The following ASTN2 variants were observed in gnomAD, a reference collection of about 807,000 sequenced individuals.
The protein encoded by ASTN2 is astrotactin-2.
A neutral mutation model predicts 139.8 loss-of-function variants in ASTN2; 54 were observed. The ratio of observed to expected loss-of-function variants is 0.39; its 90% CI spans 0.31 to 0.48. The LOEUF (loss-of-function observed/expected upper bound fraction) is 0.48, where lower values mean the gene tolerates loss of function less well. ASTN2 is among the 20% of genes least tolerant of loss of function. The pLI is 0.95. For missense variants in ASTN2, 1,565 were observed against 1,725.1 expected (o/e 0.91, Z 1.64); for synonymous variants, 756 against 719.5 (o/e 1.05, Z -0.81).
In ASTN2 at chr9:116,424,122, C is replaced by G. The variant is rs1039915070; in HGVS notation, c.*1729G>C. Reference sequence around the variant, plus strand: ...AGGGTGTTAAGAATTTATAACATCTCTTCATACTCATTACCCTCCCAGGGA... The same window carrying G: ...AGGGTGTTAAGAATTTATAACATCTGTTCATACTCATTACCCTCCCAGGGA... On this transcript the variant is annotated 3_prime_UTR_variant, in exon 23 of 23. Transcript: ENST00000313400. 6.6e-6 allele frequency among the ~76,000 whole-genome samples: 1 copy of G among 152,130 alleles called. No homozygotes were observed. The highest frequency in any genetic ancestry group is 1.5e-5 in the Non-Finnish European group (1 of 68,024).
At chr9:116,524,409 C>T (rs1564341698) in intron 19 of ASTN2, among the ~76,000 whole-genome samples, 1 of 151,994 alleles carries the variant, frequency 6.6e-6, no homozygotes, top group Non-Finnish European at 1.5e-5. Context: ...AAAATGTGGT[C>T]AGAGTTCCCT....
chr9:117,120,016 GTGTATA>G (rs1448001099), intron 4 of ASTN2, among the ~76,000 whole-genome samples: 1 of 33,822 alleles, frequency 3.0e-5, no homozygotes, highest in African/African-American at 7.7e-5. Context: ...GTGTGTGTGT[GTGTATA>G]TATATATATA....
chr9:117,151,384 C>G (rs1379057067), intron 3 of ASTN2, among the ~76,000 whole-genome samples: 1 of 152,092 alleles, frequency 6.6e-6, no homozygotes, highest in Non-Finnish European at 1.5e-5. Context: ...GCCACCTATA[C>G]CTTACAATGG....
intron 2 of ASTN2, among the ~76,000 whole-genome samples, chr9:117,254,077 G>A (rs1477883483): frequency 1.3e-5 from 2 of 152,092 alleles, no homozygotes; most frequent in Non-Finnish European, 2.9e-5. Context: ...CGCCAGCTTT[G>A]CTTTTACTGA....
chr9:116,904,667 T>C (rs1834107767), intron 10 of ASTN2, among the ~76,000 whole-genome samples: 1 of 152,124 alleles, frequency 6.6e-6, no homozygotes, highest in Non-Finnish European at 1.5e-5. Context: ...ATAGTTGGAG[T>C]GCTATAGAAG....
At chr9:117,095,042 C>G (rs1828805265) in intron 5 of ASTN2, among the ~76,000 whole-genome samples, 1 of 152,170 alleles carries the variant, frequency 6.6e-6, no homozygotes. Context: ...TCTCCCTACC[C>G]CAGCTACTTC....
intron 19 of ASTN2, among the ~76,000 whole-genome samples, chr9:116,551,477 C>A (rs1852340752): frequency 6.6e-6 from 1 of 152,148 alleles, no homozygotes. Flanking sequence ...AACCTTCAAC[C>A]TCTATAAAAC....
rs1419114804 is a variant in ASTN2 at position 116,625,761 on chromosome 9, C to T, written c.3073-5318G>A. Among the ~76,000 whole-genome samples the T allele has an allele frequency of 4.6e-5, 7 of 152,170 alleles. No individual in the cohort carries two copies. In the East Asian group the frequency reaches 1.4e-3, roughly 29 times the overall value. On this transcript the variant is annotated intron_variant, in intron 17 of 22. Transcript: ENST00000313400. Reference sequence around the variant, plus strand: ...CATGCACTATTTCATACCCACAAGCCTTTTCTCATGCTGTGCCTTTGGTCT... The same window carrying T: ...CATGCACTATTTCATACCCACAAGCTTTTTCTCATGCTGTGCCTTTGGTCT...
chr9:117,060,459 AGGAAG>A lies in ASTN2; in HGVS notation c.1277-20499_1277-20495del, dbSNP rs1564406666. Reference sequence around the variant, plus strand: ...GAGAGAGAGAGAAAGAAAGAAAGAAAGGAAGGAAGGAAGGAAGGAAGGAAGGAATG... The same window carrying A: ...GAGAGAGAGAGAAAGAAAGAAAGAAAGAAGGAAGGAAGGAAGGAAGGAATG... On this transcript the variant is annotated intron_variant, in intron 5 of 22. Transcript: ENST00000313400. 1.0e-3 allele frequency among the ~76,000 whole-genome samples: 93 copies of A among 88,640 alleles called. 5 individuals carry two copies. Among genetic ancestry groups the A allele is most frequent in the East Asian group, 2.2e-3 (6 of 2,764 alleles). 58.2% of individuals were successfully genotyped at this position (88,640 alleles called of 152,430 possible). A position where few individuals can be genotyped will look rare whatever the true frequency, so the allele number is the denominator to read the frequency against.
intron 1 of ASTN2, among the ~76,000 whole-genome samples, chr9:117,298,274 C>A (rs1043669458): frequency 6.6e-6 from 1 of 152,168 alleles, no homozygotes; most frequent in Non-Finnish European, 1.5e-5. Context: ...ATTTATATAA[C>A]GTACCACATA....
At chr9:117,224,841 T>C (rs1832649924) in intron 2 of ASTN2, among the ~76,000 whole-genome samples, 1 of 152,130 alleles carries the variant, frequency 6.6e-6, no homozygotes. Context: ...GAAACCTGCT[T>C]TTTCTGACTG....
At chr9:117,396,039 G>A (rs1004423512) in intron 1 of ASTN2, among the ~76,000 whole-genome samples, 2 of 152,118 alleles carry the variant, frequency 1.3e-5, no homozygotes, top group African/African-American at 4.8e-5. Context: ...AGTGTGGGGT[G>A]CCTCCCTAAG....
At chr9:116,428,970 T>A (rs1355897649) in intron 22 of ASTN2, among the ~76,000 whole-genome samples, 3 of 151,960 alleles carry the variant, frequency 2.0e-5, no homozygotes, top group African/African-American at 7.3e-5. Context: ...AAGTAACAGG[T>A]TTGGAGCTGA....
intron 3 of ASTN2, among the ~76,000 whole-genome samples, chr9:117,144,594 G>A (rs1830147738): frequency 1.3e-5 from 2 of 149,648 alleles, no homozygotes; most frequent in South Asian, 2.1e-4. Context: ...GCACAGATAC[G>A]GATGACAGTT....
chr9:116,936,782 C>T (rs1835095074), intron 10 of ASTN2, among the ~76,000 whole-genome samples: 1 of 152,000 alleles, frequency 6.6e-6, no homozygotes, highest in Non-Finnish European at 1.5e-5. Flanking sequence ...CACACAGCTT[C>T]ACCTCGTTCT....
intron 13 of ASTN2, among the ~76,000 whole-genome samples, chr9:116,790,874 C>A (rs934901651): frequency 6.9e-6 from 1 of 145,598 alleles, no homozygotes; most frequent in Non-Finnish European, 1.5e-5. Flanking sequence ...GGGGTTTCAC[C>A]ATATTGAAAA....
chr9:116,792,134 T>C (rs558215846), intron 13 of ASTN2, among the ~76,000 whole-genome samples: 10 of 152,164 alleles, frequency 6.6e-5, no homozygotes, highest in Non-Finnish European at 1.0e-4. Context: ...ACAGAGGGCT[T>C]GTTTAAAAAT....
intron 2 of ASTN2, among the ~76,000 whole-genome samples, chr9:117,281,249 T>A (rs1319399338): frequency 6.6e-6 from 1 of 152,142 alleles, no homozygotes; most frequent in Non-Finnish European, 1.5e-5. Context: ...TGAATGTGGA[T>A]CTCTCGCCTC....
intron 10 of ASTN2, among the ~76,000 whole-genome samples, chr9:116,874,904 A>G (rs1176195643): frequency 6.6e-6 from 1 of 152,258 alleles, no homozygotes; most frequent in African/African-American, 2.4e-5. Context: ...CAATATTTCA[A>G]AATTGTGTTA....
Sources: allele counts gnomAD v4.1 joint callset (sites outside exome capture counted in the v4.1 genomes callset), GRCh38; gene constraint gnomAD v4.1.1; transcripts MANE v1.5; gene names NCBI Gene and HGNC (gene_info 2026-07-23, HGNC 2026-07-21).